Variants in COL4A1 observed in about 807,000 individuals in gnomAD.
The protein encoded by COL4A1 is collagen alpha-1(IV) chain.
Under a neutral mutation model 216.6 loss-of-function variants are expected in COL4A1, and 40 were observed. The ratio of observed to expected loss-of-function variants is 0.18; its 90% CI spans 0.14 to 0.24. The LOEUF (loss-of-function observed/expected upper bound fraction) is 0.24, where lower values mean the gene tolerates loss of function less well. Ranked by LOEUF, COL4A1 falls within the 10% of genes least tolerant of loss-of-function variation. The pLI is 1.00. For synonymous variants in COL4A1, 839 were observed against 810.7 expected (o/e 1.03, Z -0.59); for missense variants, 1,628 against 2,196.8 (o/e 0.74, Z 5.18).
intron 28 of COL4A1, 76 bp from the exon 29 acceptor site, chr13:110,181,465 T>C: frequency 1.4e-6 from 2 of 1,396,464 alleles, no homozygotes; most frequent in Non-Finnish European, 2.0e-6. Flanking sequence ...CTTTCTTCAC[T>C]TTTAGTCTTG....
Position 110,178,773 on chromosome 13 carries a change from A to G in COL4A1, c.2458+150T>C, listed in dbSNP as rs1878005275. The G allele has an allele frequency of 6.0e-6, 4 of 666,910 alleles. No homozygotes were observed. In the South Asian group the frequency reaches 7.4e-5, roughly 12 times the overall value. 41.3% of individuals were successfully genotyped at this position (666,910 alleles called of 1,614,324 possible). On this transcript the variant is annotated intron_variant, in intron 31 of 51. Coordinates refer to ENST00000375820, the MANE Select transcript of COL4A1 (RefSeq NM_001845.6). ...GGACTACATTTAAGCAAACAATCAAACCTATTTTCACAAACTCGAGTTTTA... is the reference window on the plus strand; with the variant it reads ...GGACTACATTTAAGCAAACAATCAAGCCTATTTTCACAAACTCGAGTTTTA...
At chr13:110,201,856 C>G (rs1397999584) in intron 18 of COL4A1, among the ~76,000 whole-genome samples, 1 of 152,126 alleles carries the variant, frequency 6.6e-6, no homozygotes, top group Admixed American at 6.5e-5. Flanking sequence ...GTGGCATATG[C>G]CTGTAATCCC....
chr13:110,282,831 T>A (rs929689559), intron 1 of COL4A1, among the ~76,000 whole-genome samples: 6 of 152,242 alleles, frequency 3.9e-5, no homozygotes, highest in Non-Finnish European at 7.3e-5. Context: ...AAAAATCAAT[T>A]TGGAAATATA....
chr13:110,215,916 T>C (rs1195198926), intron 2 of COL4A1, among the ~76,000 whole-genome samples: 9 of 152,214 alleles, frequency 5.9e-5, no homozygotes, highest in Non-Finnish European at 1.2e-4. Flanking sequence ...AGGAAGGACG[T>C]TATGAACCTG....
intron 1 of COL4A1, among the ~76,000 whole-genome samples, chr13:110,288,997 C>T (rs1433879989): frequency 6.6e-6 from 1 of 152,102 alleles, no homozygotes; most frequent in African/African-American, 2.4e-5. Flanking sequence ...AAGATCGTGC[C>T]ACTGCACTCC....
intron 1 of COL4A1, among the ~76,000 whole-genome samples, chr13:110,299,943 G>A (rs967089709): frequency 3.9e-5 from 6 of 152,136 alleles, no homozygotes; most frequent in South Asian, 2.1e-4. Flanking sequence ...CAAAGCTGGT[G>A]CTCTTGGATG....
intron 1 of COL4A1, among the ~76,000 whole-genome samples, chr13:110,285,644 G>A (rs568658240): frequency 1.3e-5 from 2 of 152,268 alleles, no homozygotes; most frequent in East Asian, 3.9e-4. Context: ...CCCCAGAGTA[G>A]GCTGGTCTCA....
At chr13:110,186,990 T>C in intron 25 of COL4A1, 148 bp downstream of exon 25, 1 of 1,086,040 alleles carries the variant, frequency 9.2e-7, no homozygotes, top group Non-Finnish European at 1.4e-6. Context: ...ACTTAAGTTG[T>C]TCCATGAACC....
At chr13:110,170,838 C>A in intron 41 of COL4A1, 106 bp from the exon 42 acceptor site, 1 of 1,238,312 alleles carries the variant, frequency 8.1e-7, no homozygotes, top group African/African-American at 1.5e-5. Flanking sequence ...CCTGTAGGTA[C>A]CGCTCAGAGG....
chr13:110,185,431 A>C (rs1878357618), intron 26 of COL4A1, among the ~76,000 whole-genome samples: 1 of 152,230 alleles, frequency 6.6e-6, no homozygotes, highest in Non-Finnish European at 1.5e-5. Flanking sequence ...GGCGTGAGCC[A>C]CCGCACCTGG....
At chr13:110,168,731 A>G (rs79334773) in intron 43 of COL4A1, among the ~76,000 whole-genome samples, 23,053 of 152,208 alleles carry the variant, frequency 0.15, 1,901 homozygotes, top group East Asian at 0.2. Context: ...CTTACAGAAG[A>G]ACCCCGCTTG....
Position 110,192,775 on chromosome 13 carries a change from A to G in COL4A1, c.1465+55T>C, listed in dbSNP as rs373852157. ...GAGTGAAATCCCTTTCACAGGAAAGATGCCAACACACCAAAGCAAACTCTG... is the reference window on the plus strand; with the variant it reads ...GAGTGAAATCCCTTTCACAGGAAAGGTGCCAACACACCAAAGCAAACTCTG... On this transcript the variant is annotated intron_variant, in intron 23 of 51. Transcript: ENST00000375820. 6.8e-6 allele frequency: 10 copies of G among 1,476,540 alleles called. No individual in the cohort carries two copies. The African/African-American group carries it at 1.4e-4, about 21-fold the overall frequency. 91.5% of individuals were successfully genotyped at this position (1,476,540 alleles called of 1,614,324 possible). A position where few individuals can be genotyped will look rare whatever the true frequency, so the allele number is the denominator to read the frequency against.
intron 1 of COL4A1, among the ~76,000 whole-genome samples, chr13:110,277,248 A>C (rs1883466599): frequency 6.6e-6 from 1 of 152,194 alleles, no homozygotes; most frequent in African/African-American, 2.4e-5. Context: ...ATCAATGTTA[A>C]CACATTTCAT....
chr13:110,197,828 G>A (rs1007700017), intron 21 of COL4A1, among the ~76,000 whole-genome samples: 1 of 152,188 alleles, frequency 6.6e-6, no homozygotes, highest in Admixed American at 6.5e-5. Context: ...CAGAGCACAC[G>A]TTGGTTTTGA....
intron 1 of COL4A1, among the ~76,000 whole-genome samples, chr13:110,273,653 C>A (rs1471813583): frequency 6.6e-6 from 1 of 152,158 alleles, no homozygotes; most frequent in Non-Finnish European, 1.5e-5. Flanking sequence ...AATTTTTCTT[C>A]TTTCTTCTTT....
intron 41 of COL4A1, among the ~76,000 whole-genome samples, chr13:110,171,329 G>T (rs974990826): frequency 6.6e-6 from 1 of 152,090 alleles, no homozygotes; most frequent in African/African-American, 2.4e-5. Context: ...CAGGAGGGGG[G>T]GATTATGAAG....
intron 45 of COL4A1, among the ~76,000 whole-genome samples, 183 bp downstream of exon 45, chr13:110,166,049 G>A (rs960791749): frequency 7.2e-5 from 11 of 152,122 alleles, no homozygotes; most frequent in African/African-American, 1.2e-4. Flanking sequence ...CAGACAAGTC[G>A]CTGGTTAAAA....
intron 12 of COL4A1, 131 bp downstream of exon 12, chr13:110,208,718 A>G (rs911324803): frequency 3.3e-6 from 3 of 897,174 alleles, no homozygotes; most frequent in Non-Finnish European, 5.7e-6. Flanking sequence ...AACACTAACT[A>G]CCAAATGCAA....
intron 46 of COL4A1, among the ~76,000 whole-genome samples, chr13:110,164,487 G>A (rs545689706): frequency 3.0e-4 from 46 of 152,288 alleles, no homozygotes; most frequent in East Asian, 1.4e-3. Context: ...ATCAGGCAGC[G>A]CTCCTGGGGG....
Sources: gnomAD v4.1 joint callset for allele counts (sites outside exome capture counted in the v4.1 genomes callset) on GRCh38, gnomAD v4.1.1 for gene constraint, MANE v1.5 for transcripts, NCBI Gene and HGNC (gene_info 2026-07-23, HGNC 2026-07-21) for gene names.